SMAD3: variants seen among roughly 807,000 people sequenced by gnomAD.
SMAD3 encodes SMAD family member 3.
A neutral mutation model predicts 51.8 loss-of-function variants in SMAD3; 12 were observed. The observed-to-expected ratio is 0.23, with a 90% CI of 0.15 to 0.38. SMAD3 has a LOEUF of 0.38. Among genes scored for constraint, SMAD3 ranks in the 10% least tolerant of loss-of-function variants. The pLI is 1.00. For missense variants in SMAD3, 294 were observed against 565.6 expected, an observed-to-expected ratio of 0.52 and a Z score of 4.87; for synonymous variants, 238 against 227.7, an observed-to-expected ratio of 1.05 and a Z score of -0.41.
intron 1 of SMAD3, among the ~76,000 whole-genome samples, chr15:67,133,375 A>G (rs1240809254): frequency 6.6e-6 from 1 of 152,186 alleles, no homozygotes; most frequent in East Asian, 1.9e-4. Context: ...GCCAATGCCA[A>G]TATTATATGC....
At chr15:67,180,663 T>C (rs979555124) in intron 5 of SMAD3, among the ~76,000 whole-genome samples, 1 of 151,916 alleles carries the variant, frequency 6.6e-6, no homozygotes, top group Non-Finnish European at 1.5e-5. Flanking sequence ...CCCACTCGGC[T>C]GCTGCAGGCT....
intron 8 of SMAD3, among the ~76,000 whole-genome samples, chr15:67,188,148 C>CTTTTTTTTTTTTT (rs11367565): frequency 6.9e-5 from 8 of 116,004 alleles, no homozygotes; most frequent in East Asian, 5.8e-4. Flanking sequence ...TTTTCTTTTT[C>CTTTTTTTTTTTTT]TTTTTTTTTT....
In SMAD3 at chr15:67,148,353, G is replaced by A. The variant is rs970185911; in HGVS notation, c.207-16542G>A. On this transcript the variant is annotated intron_variant, in intron 1 of 8. Transcript: ENST00000327367. ...CAGCCAGGGCTCCAGTCCATCCCCA[G>A]TGTGGGCCATATATCTGTGTGCTTT... Among the ~76,000 whole-genome samples, 4 of 152,198 alleles carry A rather than the reference G, an allele frequency of 2.6e-5. No homozygotes were observed. The South Asian group carries it at 8.3e-4, about 32-fold the overall frequency.
intron 1 of SMAD3, among the ~76,000 whole-genome samples, chr15:67,073,096 T>A (rs938870539): frequency 1.3e-5 from 2 of 151,002 alleles, no homozygotes; most frequent in Admixed American, 1.3e-4. Flanking sequence ...TGTTCACTCT[T>A]TAGCTAATTT....
intron 1 of SMAD3, among the ~76,000 whole-genome samples, chr15:67,152,076 G>A (rs1212372971): frequency 6.6e-6 from 1 of 152,136 alleles, no homozygotes. Flanking sequence ...TAGGACACTA[G>A]AACTGATTTT....
chr15:67,104,542 G>GT (rs1240596591), intron 1 of SMAD3, among the ~76,000 whole-genome samples: 2 of 152,160 alleles, frequency 1.3e-5, no homozygotes, highest in Non-Finnish European at 2.9e-5. Context: ...GTGGCCCCCA[G>GT]TAAGTGATAA....
chr15:67,179,233 T>G (rs1442214032), intron 5 of SMAD3, among the ~76,000 whole-genome samples: 1 of 152,130 alleles, frequency 6.6e-6, no homozygotes, highest in Non-Finnish European at 1.5e-5. Flanking sequence ...CATGATCCAG[T>G]TAAATATCTA....
chr15:67,114,238 CTCTGA>C (rs1187722822), intron 1 of SMAD3, among the ~76,000 whole-genome samples: 1 of 152,202 alleles, frequency 6.6e-6, no homozygotes, highest in African/African-American at 2.4e-5. Context: ...CGCCCACTCC[CTCTGA>C]CATGCCTCTG....
chr15:67,169,544 T>C (rs908209277), intron 4 of SMAD3, among the ~76,000 whole-genome samples: 7 of 152,016 alleles, frequency 4.6e-5, no homozygotes, highest in Non-Finnish European at 8.8e-5. Context: ...TGTGCAGTGG[T>C]GCAAACACAG....
intron 1 of SMAD3, among the ~76,000 whole-genome samples, chr15:67,134,057 A>G (rs1961593537): frequency 1.3e-5 from 2 of 152,020 alleles, no homozygotes; most frequent in Admixed American, 6.6e-5. Flanking sequence ...ATTAGAGGAA[A>G]ATGGGATGAT....
chr15:67,175,643 C>G (rs557165403), intron 5 of SMAD3, among the ~76,000 whole-genome samples: 1 of 152,218 alleles, frequency 6.6e-6, no homozygotes. Context: ...AGGTGTGAAT[C>G]GGGGGCAAGT....
intron 1 of SMAD3, among the ~76,000 whole-genome samples, chr15:67,102,829 C>A (rs1444245224): frequency 6.6e-6 from 1 of 152,182 alleles, no homozygotes; most frequent in Non-Finnish European, 1.5e-5. Flanking sequence ...CTCTGTGCAG[C>A]CCCTCTGCTC....
chr15:67,074,399 C>T (rs1429835777), intron 1 of SMAD3, among the ~76,000 whole-genome samples: 3 of 152,318 alleles, frequency 2.0e-5, no homozygotes, highest in East Asian at 3.9e-4. Flanking sequence ...AATGTTTGCT[C>T]ATATGTCAAA....
At chr15:67,117,004 A>C (rs146832947) in intron 1 of SMAD3, among the ~76,000 whole-genome samples, 1 of 152,132 alleles carries the variant, frequency 6.6e-6, no homozygotes, top group African/African-American at 2.4e-5. Context: ...ATTCTGGACT[A>C]CTTCACCCAG....
At chr15:67,188,764 C>T (rs1006742862) in intron 8 of SMAD3, among the ~76,000 whole-genome samples, 1 of 152,270 alleles carries the variant, frequency 6.6e-6, no homozygotes, top group Non-Finnish European at 1.5e-5. Flanking sequence ...TCAGGCCAAA[C>T]CCATTTCAAT....
At chr15:67,176,293 G>A (rs1392790355) in intron 5 of SMAD3, among the ~76,000 whole-genome samples, 1 of 152,146 alleles carries the variant, frequency 6.6e-6, no homozygotes, top group African/African-American at 2.4e-5. Flanking sequence ...AGTCCCTGCA[G>A]AGGAGGGGGA....
intron 1 of SMAD3, among the ~76,000 whole-genome samples, chr15:67,076,660 T>G (rs1020501218): frequency 6.6e-6 from 1 of 152,234 alleles, no homozygotes; most frequent in Non-Finnish European, 1.5e-5. Flanking sequence ...CACCTGGCTG[T>G]GCTCCTCTTA....
At chr15:67,093,358 C>T (rs1595894808) in intron 1 of SMAD3, among the ~76,000 whole-genome samples, 2 of 152,320 alleles carry the variant, frequency 1.3e-5, no homozygotes, top group African/African-American at 2.4e-5. Flanking sequence ...CTGCCAGGGC[C>T]CACACCAGCC....
intron 1 of SMAD3, among the ~76,000 whole-genome samples, chr15:67,150,111 A>G (rs1258374940): frequency 6.6e-6 from 1 of 152,224 alleles, no homozygotes; most frequent in Non-Finnish European, 1.5e-5. Context: ...ACTGTGTGAC[A>G]TTTGCTAGGA....
Sources: gnomAD v4.1 joint callset for allele counts (sites outside exome capture counted in the v4.1 genomes callset) on GRCh38, gnomAD v4.1.1 for gene constraint, MANE v1.5 for transcripts, NCBI Gene and HGNC (gene_info 2026-07-23, HGNC 2026-07-21) for gene names.